The following HADH variants were observed in gnomAD, a reference collection of about 807,000 sequenced individuals.
HADH encodes hydroxyacyl-coenzyme A dehydrogenase, mitochondrial.
HADH carries 24 observed loss-of-function variants against 32.2 expected under a neutral mutation model. The observed-to-expected ratio is 0.75, with a 90% CI of 0.54 to 1.05. The LOEUF is 1.05. Among genes scored for constraint, HADH ranks in the 50% least tolerant of loss-of-function variants. The pLI is 0.00. For synonymous variants in HADH, 139 were observed against 152.5 expected, an observed-to-expected ratio of 0.91 and a Z score of 0.65; for missense variants, 350 against 397.1, an observed-to-expected ratio of 0.88 and a Z score of 1.01.
At chr4:107,999,063 G>A (rs148592359) in intron 1 of HADH, among the ~76,000 whole-genome samples, 15 of 152,302 alleles carry the variant, frequency 9.8e-5, no homozygotes, top group African/African-American at 3.1e-4. Context: ...GAGAAGCTAG[G>A]TGTGTTAGTT....
At chr4:107,991,133 C>T (rs964027181) in intron 1 of HADH, among the ~76,000 whole-genome samples, 1 of 152,124 alleles carries the variant, frequency 6.6e-6, no homozygotes, top group Non-Finnish European at 1.5e-5. Flanking sequence ...TGATTGATTA[C>T]CTGGCTACTG....
intron 6 of HADH, chr4:108,029,007 C>A: frequency 2.5e-6 from 1 of 397,982 alleles, no homozygotes; most frequent in South Asian, 1.3e-4. Flanking sequence ...TTAGCTTGCT[C>A]TGGGCATGGG....
At chr4:108,019,745 T>G in intron 4 of HADH, 79 bp downstream of exon 4, 1 of 1,523,910 alleles carries the variant, frequency 6.6e-7, no homozygotes, top group East Asian at 2.3e-5. Flanking sequence ...ACACCAGCCC[T>G]GCCACCAGTT....
At chr4:108,030,195 C>G (rs1256324336) in intron 6 of HADH, 3 of 151,696 alleles carry the variant, frequency 2.0e-5, no homozygotes, top group Non-Finnish European at 4.4e-5. Flanking sequence ...TTCTGGCCAA[C>G]CTCTGCCCCT....
At chr4:108,018,709 G>T (rs1735776962) in intron 3 of HADH, among the ~76,000 whole-genome samples, 1 of 151,916 alleles carries the variant, frequency 6.6e-6, no homozygotes, top group African/African-American at 2.4e-5. Flanking sequence ...TTCCTTTCCT[G>T]CCCTGTTACA....
intron 1 of HADH, among the ~76,000 whole-genome samples, chr4:108,003,010 C>G (rs549756941): frequency 6.6e-6 from 1 of 151,620 alleles, no homozygotes; most frequent in African/African-American, 2.4e-5. Flanking sequence ...ACCTTTGTTA[C>G]TAACCTTTAT....
intron 4 of HADH, among the ~76,000 whole-genome samples, chr4:108,021,712 AGTGTTT>A (rs1735892520): frequency 6.6e-6 from 1 of 152,172 alleles, no homozygotes; most frequent in Admixed American, 6.5e-5. Context: ...CATAGTCAGC[AGTGTTT>A]GTCCCCCAGC....
At chr4:108,005,342 A>G (rs762478378) in intron 1 of HADH, 1 of 161,890 alleles carries the variant, frequency 6.2e-6, no homozygotes, top group Non-Finnish European at 1.4e-5. Context: ...AAGTGAAGCC[A>G]CAGTGTCTCC....
intron 1 of HADH, among the ~76,000 whole-genome samples, chr4:108,006,685 A>C (rs7681359): frequency 0.92 from 139,296 of 152,226 alleles, 63,839 homozygotes; most frequent in East Asian, 0.97. Flanking sequence ...GCTGCTGGTC[A>C]ATGACCCACA....
chr4:107,999,106 G>A lies in HADH; in HGVS notation c.132+9042G>A, dbSNP rs1735039886. ...TGTGATAGAGAAGAAACCTGTGTTG[G>A]AGAGCAGTGAGCTTATGTGTCTGTG... On this transcript the variant is annotated intron_variant, in intron 1 of 7. Transcript: ENST00000309522. Among the ~76,000 whole-genome samples, 3 of 152,316 alleles carry A rather than the reference G, an allele frequency of 2.0e-5. No homozygotes were observed. The South Asian group carries it at 6.2e-4, about 32-fold the overall frequency.
intron 3 of HADH, among the ~76,000 whole-genome samples, 173 bp from the exon 4 acceptor site, chr4:108,019,367 A>G (rs1190396419): frequency 6.6e-6 from 1 of 152,210 alleles, no homozygotes; most frequent in African/African-American, 2.4e-5. Flanking sequence ...AAAAAGCTGA[A>G]GTCACTTGAT....
chr4:107,994,125 A>C (rs1046525949), intron 1 of HADH, among the ~76,000 whole-genome samples: 3 of 152,014 alleles, frequency 2.0e-5, no homozygotes, highest in Non-Finnish European at 4.4e-5. Flanking sequence ...GACACTTTAC[A>C]TGCTCTCCGG....
intron 6 of HADH, chr4:108,031,364 C>T (rs1181247930): frequency 1.3e-5 from 2 of 152,314 alleles, no homozygotes; most frequent in Non-Finnish European, 2.9e-5. Flanking sequence ...GAGGGCAGCA[C>T]CTAGGCACAG....
At chr4:108,019,409 C>T in intron 3 of HADH, 131 bp from the exon 4 acceptor site, 1 of 801,494 alleles carries the variant, frequency 1.2e-6, no homozygotes, top group Admixed American at 1.7e-5. Flanking sequence ...GTGTCTTCTC[C>T]CTCATTCCCC....
intron 4 of HADH, 81 bp downstream of exon 4, chr4:108,019,747 C>T (rs1735822193): frequency 6.6e-7 from 1 of 1,520,406 alleles, no homozygotes; most frequent in Non-Finnish European, 9.1e-7. Flanking sequence ...ACCAGCCCTG[C>T]CACCAGTTGC....
At chr4:108,029,172 C>G (rs555849176) in intron 6 of HADH, 1 of 328,246 alleles carries the variant, frequency 3.0e-6, no homozygotes, top group African/African-American at 2.1e-5. Flanking sequence ...TGTCCCCCCG[C>G]CCACCACCTG....
intron 3 of HADH, among the ~76,000 whole-genome samples, chr4:108,016,586 T>A (rs1360838542): frequency 6.6e-6 from 1 of 152,198 alleles, no homozygotes; most frequent in Non-Finnish European, 1.5e-5. Flanking sequence ...GTCAAGCAGT[T>A]TGATCTTTAT....
At chr4:108,027,953 CCT>C in intron 6 of HADH, 193 bp downstream of exon 6, 1 of 625,694 alleles carries the variant, frequency 1.6e-6, no homozygotes, top group Non-Finnish European at 2.9e-6. Flanking sequence ...TCCTGGCTTC[CCT>C]GTGGGCCTCT....
intron 1 of HADH, 66 bp from the exon 2 acceptor site, chr4:108,009,693 G>T: frequency 7.2e-7 from 1 of 1,390,174 alleles, no homozygotes; most frequent in East Asian, 2.3e-5. Flanking sequence ...TTTTGGGGTG[G>T]GGTGTGTGCG....
Sources: gnomAD v4.1 joint callset for allele counts (sites outside exome capture counted in the v4.1 genomes callset) on GRCh38, gnomAD v4.1.1 for gene constraint, MANE v1.5 for transcripts, NCBI Gene and HGNC (gene_info 2026-07-23, HGNC 2026-07-21) for gene names.